AGBL4: variants seen among roughly 807,000 people sequenced by gnomAD.
AGBL4 encodes cytosolic carboxypeptidase 6.
A neutral mutation model predicts 66.4 loss-of-function variants in AGBL4; 58 were observed. That is an observed-to-expected ratio of 0.87 (90% CI 0.71 to 1.09). The LOEUF is 1.09. Among genes scored for constraint, AGBL4 ranks in the 50% least tolerant of loss-of-function variants. The pLI is 0.00. For synonymous variants in AGBL4, 234 were observed against 222.9 expected (o/e 1.05, Z -0.44); for missense variants, 579 against 631.0 (o/e 0.92, Z 0.88).
At chr1:49,999,554 A>G (rs985240148) in intron 1 of AGBL4, among the ~76,000 whole-genome samples, 22 of 152,196 alleles carry the variant, frequency 1.4e-4, no homozygotes, top group Non-Finnish European at 3.1e-4. Context: ...TACCACCATC[A>G]TTCTTCACAA....
At chr1:49,918,517 C>T (rs371892630) in intron 1 of AGBL4, among the ~76,000 whole-genome samples, 2 of 151,918 alleles carry the variant, frequency 1.3e-5, no homozygotes, top group African/African-American at 4.8e-5. Flanking sequence ...ACACATACAC[C>T]CTCCCAAGAC....
Position 49,001,409 on chromosome 1 carries a change from T to C in AGBL4, c.594+44175A>G, listed in dbSNP as rs568416621. ...TATTCTCGCCTATAAAATGGGAACA[T>C]TCGAATGCAAGTTCAGGAAGTTATG... On this transcript the variant is annotated intron_variant, in intron 5 of 13. Coordinates refer to ENST00000371839, the MANE Select transcript of AGBL4 (RefSeq NM_032785.4). Among the ~76,000 whole-genome samples, 10 of 152,304 alleles carry C rather than the reference T, an allele frequency of 6.6e-5. No homozygotes were observed. In the East Asian group the frequency reaches 1.5e-3, roughly 24 times the overall value.
intron 3 of AGBL4, among the ~76,000 whole-genome samples, chr1:49,580,623 AC>A (rs1358146247): frequency 6.6e-6 from 1 of 152,104 alleles, no homozygotes; most frequent in African/African-American, 2.4e-5. Flanking sequence ...TCTGGGAAAG[AC>A]TTTATTCCTT....
intron 3 of AGBL4, among the ~76,000 whole-genome samples, chr1:49,284,517 T>C (rs1280126777): frequency 6.6e-6 from 1 of 151,740 alleles, no homozygotes; most frequent in Non-Finnish European, 1.5e-5. Context: ...AATTCACATA[T>C]AACAATATTA....
intron 2 of AGBL4, among the ~76,000 whole-genome samples, chr1:49,794,813 C>A (rs1412847259): frequency 6.6e-6 from 1 of 151,848 alleles, no homozygotes; most frequent in Non-Finnish European, 1.5e-5. Flanking sequence ...AACTTCAATT[C>A]AGGATATTTT....
intron 4 of AGBL4, among the ~76,000 whole-genome samples, chr1:49,111,185 C>T (rs558961715): frequency 2.7e-5 from 4 of 150,484 alleles, no homozygotes; most frequent in African/African-American, 7.3e-5. Context: ...GTGATCTCGC[C>T]TCACTGCAAG....
intron 4 of AGBL4, among the ~76,000 whole-genome samples, chr1:49,237,210 C>G (rs1650826702): frequency 6.6e-6 from 1 of 151,522 alleles, no homozygotes; most frequent in Non-Finnish European, 1.5e-5. Flanking sequence ...TTGCAGTGAG[C>G]CAAGATTGTG....
chr1:49,100,146 AG>A (rs1216100796), intron 4 of AGBL4, among the ~76,000 whole-genome samples: 1 of 152,130 alleles, frequency 6.6e-6, no homozygotes, highest in African/African-American at 2.4e-5. Context: ...CTGAAGGAGG[AG>A]AAAGAAGTAG....
chr1:49,930,822 T>C (rs548135146), intron 1 of AGBL4, among the ~76,000 whole-genome samples: 6 of 152,248 alleles, frequency 3.9e-5, no homozygotes, highest in African/African-American at 1.4e-4. Flanking sequence ...AAAGACTCAA[T>C]GTTTTTCCAC....
intron 1 of AGBL4, among the ~76,000 whole-genome samples, chr1:49,880,252 T>C (rs1379633751): frequency 1.3e-5 from 2 of 151,974 alleles, no homozygotes; most frequent in African/African-American, 4.8e-5. Context: ...TTTTAGAGTT[T>C]CCAGATTTTC....
At chr1:48,828,812 A>C (rs1221872309) in intron 6 of AGBL4, among the ~76,000 whole-genome samples, 1 of 152,210 alleles carries the variant, frequency 6.6e-6, no homozygotes, top group African/African-American at 2.4e-5. Context: ...TAAGAAAATG[A>C]AGAGTGACAT....
At chr1:48,625,531 C>T (rs1016067723) in intron 9 of AGBL4, among the ~76,000 whole-genome samples, 8 of 152,032 alleles carry the variant, frequency 5.3e-5, no homozygotes, top group South Asian at 2.1e-4. Context: ...TAGCCAGGTA[C>T]GTAAAGTCTA....
intron 3 of AGBL4, among the ~76,000 whole-genome samples, chr1:49,284,830 A>G (rs1644365910): frequency 6.6e-6 from 1 of 150,986 alleles, no homozygotes; most frequent in African/African-American, 2.4e-5. Flanking sequence ...TAACTATCCT[A>G]AATATATATG....
Position 48,539,623 on chromosome 1 carries a change from T to C in AGBL4, c.1364+19A>G. 6.6e-7 allele frequency: 1 copy of C among 1,520,344 alleles called. No individual in the cohort carries two copies. Among genetic ancestry groups the C allele is most frequent in the Non-Finnish European group, 8.9e-7 (1 of 1,127,714 alleles). 94.2% of individuals were successfully genotyped at this position (1,520,344 alleles called of 1,614,324 possible). ...GTGGAGCAGAACTCAAGCCGAAACC[T>C]CTCTGCTCTGCCACTTACCGCAGTC... is the stretch of plus-strand genomic sequence containing the variant. On this transcript the variant is annotated intron_variant, in intron 12 of 13. Transcript: ENST00000371839.
intron 2 of AGBL4, among the ~76,000 whole-genome samples, chr1:49,788,536 A>C (rs897884631): frequency 2.0e-5 from 3 of 152,100 alleles, no homozygotes; most frequent in African/African-American, 7.2e-5. Context: ...TTCAAAGAAT[A>C]AAAGAATGAA....
intron 1 of AGBL4, among the ~76,000 whole-genome samples, chr1:49,949,712 G>C (rs937652723): frequency 6.6e-6 from 1 of 151,392 alleles, no homozygotes; most frequent in African/African-American, 2.4e-5. Context: ...ATAAATGTTG[G>C]TGTGGATGCA....
At chr1:49,997,510 A>G (rs1313561746) in intron 1 of AGBL4, among the ~76,000 whole-genome samples, 1 of 152,144 alleles carries the variant, frequency 6.6e-6, no homozygotes, top group East Asian at 1.9e-4. Context: ...AAAATATCAC[A>G]ATCTGAAATA....
At chr1:49,414,574 T>C (rs746399826) in intron 3 of AGBL4, among the ~76,000 whole-genome samples, 1 of 152,122 alleles carries the variant, frequency 6.6e-6, no homozygotes, top group Non-Finnish European at 1.5e-5. Context: ...TTAAAACTGA[T>C]CAAAGGAATA....
intron 6 of AGBL4, among the ~76,000 whole-genome samples, chr1:48,853,938 G>A (rs1647088788): frequency 6.6e-6 from 1 of 152,104 alleles, no homozygotes; most frequent in Non-Finnish European, 1.5e-5. Context: ...AAAGTTAGAT[G>A]AGCTCTTATC....
Sources: gnomAD v4.1 joint callset for allele counts (sites outside exome capture counted in the v4.1 genomes callset) on GRCh38, gnomAD v4.1.1 for gene constraint, MANE v1.5 for transcripts, NCBI Gene and HGNC (gene_info 2026-07-23, HGNC 2026-07-21) for gene names.